The following MPP7 variants were observed in gnomAD, a reference collection of about 807,000 sequenced individuals.
The protein encoded by MPP7 is MAGUK p55 scaffold protein 7.
Under a neutral mutation model 76.5 loss-of-function variants are expected in MPP7, and 60 were observed. The ratio of observed to expected loss-of-function variants is 0.78; its 90% CI spans 0.64 to 0.97. The LOEUF (loss-of-function observed/expected upper bound fraction) is 0.97, where lower values mean the gene tolerates loss of function less well. Among genes scored for constraint, MPP7 ranks in the 50% least tolerant of loss-of-function variants. The probability of loss-of-function intolerance (pLI) is 0.00; values close to 1 mark genes in which losing one functional copy is unlikely to be tolerated. For missense variants in MPP7, 641 were observed against 694.0 expected, an observed-to-expected ratio of 0.92 and a Z score of 0.86; for synonymous variants, 237 against 244.5, an observed-to-expected ratio of 0.97 and a Z score of 0.29.
At chr10:28,286,259 T>C (rs1232474564) in intron 1 of MPP7, among the ~76,000 whole-genome samples, 1 of 151,704 alleles carries the variant, frequency 6.6e-6, no homozygotes, top group East Asian at 1.9e-4. Context: ...GGCAGGAGAA[T>C]GGCGTGAACC....
intron 2 of MPP7, among the ~76,000 whole-genome samples, chr10:28,224,447 T>G (rs1020429003): frequency 6.6e-6 from 1 of 151,964 alleles, no homozygotes; most frequent in African/African-American, 2.4e-5. Context: ...TAAAACAAAG[T>G]GCTGTCACAA....
intron 1 of MPP7, among the ~76,000 whole-genome samples, chr10:28,293,531 G>T (rs1224894219): frequency 6.6e-6 from 1 of 152,206 alleles, no homozygotes; most frequent in Non-Finnish European, 1.5e-5. Context: ...GTCCCCTGGG[G>T]GCAAGGAAGA....
chr10:28,125,092 C>A lies in MPP7; in HGVS notation c.448-1G>T. On this transcript the variant is annotated splice_acceptor_variant, in intron 6 of 16. Coordinates refer to ENST00000683449, the MANE Select transcript of MPP7 (RefSeq NM_001318170.2). LOFTEE classifies it high-confidence loss of function. The stretch of plus-strand genomic sequence containing the variant: ...GTTCATCCTTCTTAATGGTAGCTCC[C>A]TTTTAAGACAAAAACAAAAAGCATT... The A allele has an allele frequency of 1.9e-6, 3 of 1,613,614 alleles. No homozygotes were observed. Among genetic ancestry groups the A allele is most frequent in the Non-Finnish European group, 2.5e-6 (3 of 1,179,690 alleles).
At chr10:28,299,058 T>C (rs1299944485) in intron 1 of MPP7, among the ~76,000 whole-genome samples, 4 of 152,318 alleles carry the variant, frequency 2.6e-5, no homozygotes, top group Middle Eastern at 6.8e-3. Flanking sequence ...CTTCTCTATA[T>C]TAGCAATAAG....
At chr10:28,244,004 T>C (rs1023503893) in intron 1 of MPP7, among the ~76,000 whole-genome samples, 1 of 152,200 alleles carries the variant, frequency 6.6e-6, no homozygotes, top group African/African-American at 2.4e-5. Flanking sequence ...TGTTGAGAAT[T>C]GCTTCTCTAA....
At chr10:28,190,143 T>A (rs942191306) in intron 3 of MPP7, among the ~76,000 whole-genome samples, 1 of 152,100 alleles carries the variant, frequency 6.6e-6, no homozygotes, top group African/African-American at 2.4e-5. Context: ...TAAATGTGTA[T>A]GCACCTAAAA....
intron 1 of MPP7, among the ~76,000 whole-genome samples, chr10:28,333,234 T>A (rs1254072788): frequency 6.6e-6 from 1 of 152,190 alleles, no homozygotes; most frequent in African/African-American, 2.4e-5. Flanking sequence ...AACCTCCGCC[T>A]CCCTGGTTCA....
intron 12 of MPP7, among the ~76,000 whole-genome samples, chr10:28,072,544 T>C (rs1290948053): frequency 6.6e-6 from 1 of 152,260 alleles, no homozygotes; most frequent in African/African-American, 2.4e-5. Context: ...GTCCTGCCCC[T>C]GTGGAAACCA....
intron 1 of MPP7, among the ~76,000 whole-genome samples, chr10:28,277,548 C>G (rs1392656463): frequency 6.6e-6 from 1 of 152,126 alleles, no homozygotes; most frequent in East Asian, 1.9e-4. Flanking sequence ...TAAGGTCATA[C>G]AGTTGGCAGA....
chr10:28,318,245 A>C (rs745458936), intron 2 of MPP7, among the ~76,000 whole-genome samples: 2 of 152,216 alleles, frequency 1.3e-5, no homozygotes, highest in African/African-American at 4.8e-5. Context: ...AATAACACCC[A>C]TTGAACAGGG....
chr10:28,245,469 G>A (rs1259161131), intron 1 of MPP7, among the ~76,000 whole-genome samples: 2 of 151,884 alleles, frequency 1.3e-5, no homozygotes, highest in Non-Finnish European at 2.9e-5. Flanking sequence ...TTACCTATAG[G>A]GAGATAGCAC....
chr10:28,165,535 G>A (rs1290414476), intron 3 of MPP7, among the ~76,000 whole-genome samples: 16 of 135,736 alleles, frequency 1.2e-4, no homozygotes, highest in Non-Finnish European at 1.7e-4. Flanking sequence ...CTAAGAAAAG[G>A]AAAAAAAAAA....
chr10:28,214,274 C>A (rs752672998), intron 2 of MPP7, among the ~76,000 whole-genome samples: 1 of 152,132 alleles, frequency 6.6e-6, no homozygotes, highest in Non-Finnish European at 1.5e-5. Flanking sequence ...CAACTGTATC[C>A]AGGAAACTTT....
intron 3 of MPP7, among the ~76,000 whole-genome samples, chr10:28,183,928 G>A (rs969844645): frequency 2.0e-5 from 3 of 152,108 alleles, no homozygotes; most frequent in Non-Finnish European, 4.4e-5. Context: ...TTGAGGATGA[G>A]GATGATGATA....
At chr10:28,231,697 C>T (rs1838889611) in intron 2 of MPP7, among the ~76,000 whole-genome samples, 1 of 152,066 alleles carries the variant, frequency 6.6e-6, no homozygotes, top group Non-Finnish European at 1.5e-5. Flanking sequence ...AAACAGAAAG[C>T]TAGAATATTC....
intron 2 of MPP7, among the ~76,000 whole-genome samples, chr10:28,308,347 A>G (rs754096282): frequency 6.6e-6 from 1 of 152,230 alleles, no homozygotes; most frequent in Non-Finnish European, 1.5e-5. Flanking sequence ...ATTTGTCTCC[A>G]AATACCAGGG....
intron 11 of MPP7, among the ~76,000 whole-genome samples, chr10:28,102,293 C>T (rs1049727013): frequency 2.0e-5 from 3 of 152,128 alleles, no homozygotes; most frequent in Admixed American, 6.5e-5. Flanking sequence ...CAGGTGTGCA[C>T]CACTGCGCTT....
intron 12 of MPP7, among the ~76,000 whole-genome samples, chr10:28,076,538 C>T (rs1216480651): frequency 1.4e-5 from 2 of 147,390 alleles, no homozygotes; most frequent in South Asian, 2.2e-4. Context: ...CACACACATG[C>T]GCGCACACAC....
chr10:28,238,441 G>T, intron 2 of MPP7, 127 bp downstream of exon 2: 4 of 947,286 alleles, frequency 4.2e-6, no homozygotes, highest in Non-Finnish European at 6.5e-6. Context: ...TTGATCTTAT[G>T]TCCCTAGTGT....
Sources: allele counts gnomAD v4.1 joint callset (sites outside exome capture counted in the v4.1 genomes callset), GRCh38; gene constraint gnomAD v4.1.1; transcripts MANE v1.5; gene names NCBI Gene and HGNC (gene_info 2026-07-23, HGNC 2026-07-21).